The following BICC1 variants were observed in gnomAD, a reference collection of about 807,000 sequenced individuals.
BICC1 encodes BicC family RNA binding protein 1.
In BICC1, 43 loss-of-function variants were observed where a neutral mutation model predicts 111.0. The ratio of observed to expected loss-of-function variants is 0.39; its 90% confidence interval spans 0.30 to 0.50. The LOEUF is 0.50. Among genes scored for constraint, BICC1 ranks in the 20% least tolerant of loss-of-function variants. BICC1 has a pLI of 0.88. For synonymous variants in BICC1, 467 were observed against 434.4 expected (o/e 1.07, Z -0.93); for missense variants, 1,091 against 1,203.2 (o/e 0.91, Z 1.38).
At chr10:58,767,836 C>CAG (rs553407902) in intron 3 of BICC1, among the ~76,000 whole-genome samples, 4 of 151,900 alleles carry the variant, frequency 2.6e-5, no homozygotes, top group South Asian at 2.1e-4. Flanking sequence ...AAAAATGCAT[C>CAG]AGAGAGAGTC....
chr10:58,758,943 T>G (rs1249851805), intron 3 of BICC1, among the ~76,000 whole-genome samples: 7 of 147,514 alleles, frequency 4.7e-5, no homozygotes, highest in Admixed American at 2.0e-4. Flanking sequence ...ATTTATTTAT[T>G]TATTTATTTA....
intron 1 of BICC1, among the ~76,000 whole-genome samples, chr10:58,604,530 G>A (rs977295891): frequency 2.0e-5 from 3 of 152,002 alleles, no homozygotes; most frequent in Non-Finnish European, 4.4e-5. Flanking sequence ...GAGTGGTGGC[G>A]GGCGCCTGTA....
intron 1 of BICC1, among the ~76,000 whole-genome samples, chr10:58,620,186 C>G (rs531267064): frequency 6.6e-6 from 1 of 152,220 alleles, no homozygotes; most frequent in Admixed American, 6.5e-5. Flanking sequence ...AGTCACAAGA[C>G]TTATGAACAC....
At chr10:58,800,866 C>A in intron 13 of BICC1, 24 bp from the exon 14 acceptor site, 1 of 1,565,248 alleles carries the variant, frequency 6.4e-7, no homozygotes, top group Non-Finnish European at 8.6e-7. Flanking sequence ...AGGTGTTTCA[C>A]TTTTTTTTCC....
At chr10:58,785,806 A>G (rs1308624864) in intron 4 of BICC1, among the ~76,000 whole-genome samples, 5 of 152,186 alleles carry the variant, frequency 3.3e-5, no homozygotes, top group African/African-American at 9.7e-5. Flanking sequence ...TTAAGTGGAG[A>G]GGTGGGATTC....
intron 3 of BICC1, among the ~76,000 whole-genome samples, chr10:58,742,596 C>T (rs1323660699): frequency 6.6e-6 from 1 of 151,826 alleles, no homozygotes; most frequent in Non-Finnish European, 1.5e-5. Context: ...CATCACCATG[C>T]CTGGGTAATT....
At chr10:58,584,407 C>A (rs1037250986) in intron 1 of BICC1, among the ~76,000 whole-genome samples, 1 of 152,098 alleles carries the variant, frequency 6.6e-6, no homozygotes, top group Admixed American at 6.6e-5. Context: ...GGTTCTGGTG[C>A]CTCCTACTAA....
chr10:58,582,713 A>G (rs1844316496), intron 1 of BICC1, among the ~76,000 whole-genome samples: 1 of 152,104 alleles, frequency 6.6e-6, no homozygotes, highest in South Asian at 2.1e-4. Flanking sequence ...GGGGAGGTTC[A>G]TTTCCTTGTC....
chr10:58,589,665 A>G (rs188636176), intron 1 of BICC1, among the ~76,000 whole-genome samples: 1 of 152,116 alleles, frequency 6.6e-6, no homozygotes, highest in Non-Finnish European at 1.5e-5. Context: ...TGGTAGAGAC[A>G]AGGTCTCGCT....
chr10:58,604,631 A>G (rs1201806620), intron 1 of BICC1, among the ~76,000 whole-genome samples: 1 of 152,206 alleles, frequency 6.6e-6, no homozygotes, highest in Non-Finnish European at 1.5e-5. Flanking sequence ...GCTGCACTCC[A>G]GCCTGGGTAA....
intron 2 of BICC1, among the ~76,000 whole-genome samples, chr10:58,645,387 A>G (rs557110894): frequency 9.2e-6 from 1 of 108,786 alleles, no homozygotes; most frequent in East Asian, 3.1e-4. Flanking sequence ...AGCCTGGGCG[A>G]CAGAGCGAGA....
chr10:58,566,586 C>T (rs1451606099), intron 1 of BICC1, among the ~76,000 whole-genome samples: 1 of 152,102 alleles, frequency 6.6e-6, no homozygotes, highest in Non-Finnish European at 1.5e-5. Flanking sequence ...ACACTGTTTT[C>T]CACAGTGGTT....
At chr10:58,704,683 A>G (rs1840338384) in intron 3 of BICC1, among the ~76,000 whole-genome samples, 1 of 152,204 alleles carries the variant, frequency 6.6e-6, no homozygotes, top group African/African-American at 2.4e-5. Context: ...ACCCAAGAAT[A>G]TAAATGTATT....
intron 2 of BICC1, among the ~76,000 whole-genome samples, chr10:58,637,521 T>C (rs1837985716): frequency 6.6e-6 from 1 of 152,240 alleles, no homozygotes; most frequent in African/African-American, 2.4e-5. Context: ...AATTTGCCGC[T>C]GGTTCTGATG....
At chr10:58,526,516 T>G (rs1384859409) in intron 1 of BICC1, among the ~76,000 whole-genome samples, 1 of 152,132 alleles carries the variant, frequency 6.6e-6, no homozygotes, top group African/African-American at 2.4e-5. Context: ...GTCATATTGG[T>G]GTGCTGCACC....
At chr10:58,802,186 C>G (rs1017565866) in intron 14 of BICC1, among the ~76,000 whole-genome samples, 6 of 152,176 alleles carry the variant, frequency 3.9e-5, no homozygotes, top group Non-Finnish European at 8.8e-5. Flanking sequence ...AGTTGCTGTT[C>G]TCCTGACCTT....
chr10:58,610,593 C>T (rs914386597), intron 1 of BICC1, among the ~76,000 whole-genome samples: 3 of 151,134 alleles, frequency 2.0e-5, no homozygotes, highest in African/African-American at 7.3e-5. Flanking sequence ...TCCCAAATTG[C>T]CATGGATAAT....
At chr10:58,563,444 T>A (rs1843667246) in intron 1 of BICC1, among the ~76,000 whole-genome samples, 1 of 152,152 alleles carries the variant, frequency 6.6e-6, no homozygotes, top group African/African-American at 2.4e-5. Context: ...TCTTACCTTT[T>A]CTCCACAATG....
At chr10:58,828,497 T>C (rs1844463150) in intron 20 of BICC1, among the ~76,000 whole-genome samples, 1 of 152,188 alleles carries the variant, frequency 6.6e-6, no homozygotes, top group Admixed American at 6.5e-5. Context: ...ATAGAAACTG[T>C]TTGCTGTCAG....
Sources: allele counts gnomAD v4.1 joint callset (sites outside exome capture counted in the v4.1 genomes callset), GRCh38; gene constraint gnomAD v4.1.1; transcripts MANE v1.5; gene names NCBI Gene and HGNC (gene_info 2026-07-23, HGNC 2026-07-21).